Variants in EMSY observed in about 807,000 individuals in gnomAD.
The protein encoded by EMSY is BRCA2-interacting transcriptional repressor EMSY.
A neutral mutation model predicts 134.6 loss-of-function variants in EMSY; 26 were observed. That is an observed-to-expected ratio of 0.19 (90% CI 0.14 to 0.27). EMSY has a LOEUF of 0.27. Among genes scored for constraint, EMSY ranks in the 10% least tolerant of loss-of-function variants. EMSY has a pLI of 1.00. For missense variants in EMSY, 1,305 were observed against 1,611.4 expected (o/e 0.81, Z 3.26); for synonymous variants, 579 against 577.8 (o/e 1.00, Z -0.03).
At chr11:76,503,951 A>ATTTTTT (rs1264721522) in intron 9 of EMSY, among the ~76,000 whole-genome samples, 3 of 141,564 alleles carry the variant, frequency 2.1e-5, no homozygotes, top group Non-Finnish European at 4.7e-5. Context: ...CGCCCGGCTA[A>ATTTTTT]TTTTTTTTTT....
chr11:76,517,463 A>G (rs898351781), intron 11 of EMSY, among the ~76,000 whole-genome samples: 20 of 152,210 alleles, frequency 1.3e-4, no homozygotes, highest in African/African-American at 4.8e-4. Flanking sequence ...ACTCAGTTAA[A>G]CATTTGTCAA....
At chr11:76,460,109 C>A in intron 6 of EMSY, 24 bp downstream of exon 7, 1 of 1,613,008 alleles carries the variant, frequency 6.2e-7, no homozygotes, top group South Asian at 1.1e-5. Context: ...TCAGTGTTAT[C>A]AGGGCCTTCT....
intron 7 of EMSY, among the ~76,000 whole-genome samples, chr11:76,465,567 A>G (rs1486491348): frequency 6.7e-6 from 1 of 149,928 alleles, no homozygotes; most frequent in Non-Finnish European, 1.5e-5. Context: ...TCATACTTTA[A>G]ATTTCTAGTA....
intron 8 of EMSY, among the ~76,000 whole-genome samples, chr11:76,492,104 T>C (rs190362723): frequency 2.0e-5 from 3 of 152,326 alleles, no homozygotes; most frequent in Admixed American, 1.3e-4. Flanking sequence ...ATTGAATAAA[T>C]AAATATTCAG....
chr11:76,498,270 G>C (rs1393636400), intron 9 of EMSY, among the ~76,000 whole-genome samples: 1 of 152,056 alleles, frequency 6.6e-6, no homozygotes. Context: ...GTGGTCCATG[G>C]TGCTCGTAAA....
chr11:76,517,556 A>G (rs985639319), intron 11 of EMSY, among the ~76,000 whole-genome samples: 2 of 152,216 alleles, frequency 1.3e-5, no homozygotes, highest in Non-Finnish European at 2.9e-5. Context: ...TTATAGTTTC[A>G]TATAGCTTGA....
chr11:76,483,011 G>C (rs968967461), intron 8 of EMSY, among the ~76,000 whole-genome samples: 1 of 152,122 alleles, frequency 6.6e-6, no homozygotes, highest in Non-Finnish European at 1.5e-5. Flanking sequence ...AGAAAGGTAG[G>C]GTTACCCACA....
intron 8 of EMSY, among the ~76,000 whole-genome samples, chr11:76,478,671 A>C (rs73493491): frequency 6.6e-6 from 1 of 152,002 alleles, no homozygotes; most frequent in African/African-American, 2.4e-5. Context: ...ATTTGGAATA[A>C]AAAGTTCATA....
intron 17 of EMSY, among the ~76,000 whole-genome samples, chr11:76,540,615 A>G (rs958126137): frequency 2.0e-5 from 3 of 152,262 alleles, no homozygotes; most frequent in Non-Finnish European, 2.9e-5. Context: ...TAAAAAATAA[A>G]GCCTATTTAT....
chr11:76,504,027 C>T (rs977040093), intron 9 of EMSY, among the ~76,000 whole-genome samples: 2 of 151,450 alleles, frequency 1.3e-5, no homozygotes, highest in African/African-American at 4.9e-5. Context: ...TTCAAGTGAT[C>T]CACCTACCTT....
At chr11:76,519,430 G>GT (rs926761323) in intron 11 of EMSY, among the ~76,000 whole-genome samples, 5 of 152,098 alleles carry the variant, frequency 3.3e-5, no homozygotes, top group African/African-American at 1.2e-4. Flanking sequence ...AGATTTGTAA[G>GT]TTTTTTTGTG....
intron 7 of EMSY, among the ~76,000 whole-genome samples, chr11:76,465,274 A>G (rs1167660147): frequency 6.6e-6 from 1 of 152,180 alleles, no homozygotes; most frequent in Non-Finnish European, 1.5e-5. Flanking sequence ...AATATAATGG[A>G]AAAAGCCTGT....
chr11:76,464,486 T>A (rs1948271165), intron 7 of EMSY, among the ~76,000 whole-genome samples: 1 of 152,368 alleles, frequency 6.6e-6, no homozygotes. Flanking sequence ...AGGATATAAT[T>A]AAGTGAATAA....
chr11:76,494,891 G>A (rs539158281), intron 8 of EMSY, among the ~76,000 whole-genome samples: 6 of 152,088 alleles, frequency 3.9e-5, no homozygotes, highest in Admixed American at 1.3e-4. Flanking sequence ...GCCTGCCACC[G>A]TGCCCGGCTA....
At chr11:76,526,433 C>G (rs952168374) in intron 12 of EMSY, 29 bp from the exon 14 acceptor site, 8 of 1,537,992 alleles carry the variant, frequency 5.2e-6, no homozygotes, top group Non-Finnish European at 7.0e-6. Context: ...GCATATAAAT[C>G]TCTTATATAA....
At chr11:76,523,723 T>TTTTTTTTC (rs1158486682) in intron 12 of EMSY, among the ~76,000 whole-genome samples, 2 of 149,146 alleles carry the variant, frequency 1.3e-5, no homozygotes, top group Non-Finnish European at 3.0e-5. Flanking sequence ...TTTTTTTTTT[T>TTTTTTTTC]TTCATTTTTA....
chr11:76,466,712 C>A (rs1403823136), intron 7 of EMSY, among the ~76,000 whole-genome samples: 3 of 152,104 alleles, frequency 2.0e-5, no homozygotes, highest in East Asian at 3.8e-4. Flanking sequence ...GGATGTAATT[C>A]TATTTTCAGT....
intron 10 of EMSY, among the ~76,000 whole-genome samples, chr11:76,514,174 CT>C (rs1177535563): frequency 6.6e-6 from 1 of 151,628 alleles, no homozygotes; most frequent in African/African-American, 2.4e-5. Context: ...TGTTTTTTTC[CT>C]TGTTTATTTA....
chr11:76,482,236 C>T (rs1213138249), intron 8 of EMSY, among the ~76,000 whole-genome samples: 2 of 152,142 alleles, frequency 1.3e-5, no homozygotes, highest in Admixed American at 1.3e-4. Context: ...ACAGAAACCC[C>T]ATCTAAAAGT....
Sources: gnomAD v4.1 joint callset for allele counts (sites outside exome capture counted in the v4.1 genomes callset) on GRCh38, gnomAD v4.1.1 for gene constraint, MANE v1.5 for transcripts, NCBI Gene and HGNC (gene_info 2026-07-23, HGNC 2026-07-21) for gene names.